The following MARCHF1 variants were observed in gnomAD, a reference collection of about 807,000 sequenced individuals.
MARCHF1 encodes the protein membrane associated ring-CH-type finger 1, also known as E3 ubiquitin-protein ligase MARCHF1.
Under a neutral mutation model 54.2 loss-of-function variants are expected in MARCHF1, and 40 were observed. The observed-to-expected ratio is 0.74, with a 90% CI of 0.57 to 0.96. The LOEUF is 0.96. Among genes scored for constraint, MARCHF1 ranks in the 40% least tolerant of loss-of-function variants. MARCHF1 has a pLI of 0.00. For synonymous variants in MARCHF1, 236 were observed against 236.3 expected (o/e 1.00, Z 0.01); for missense variants, 586 against 656.5 (o/e 0.89, Z 1.17).
intron 3 of MARCHF1, among the ~76,000 whole-genome samples, chr4:163,866,104 C>T (rs1467197819): frequency 1.3e-5 from 2 of 151,490 alleles, no homozygotes; most frequent in African/African-American, 4.8e-5. Flanking sequence ...CAATTAACAA[C>T]ATCATTTAAT....
chr4:163,924,296 G>C (rs1340602240), intron 3 of MARCHF1, among the ~76,000 whole-genome samples: 1 of 152,042 alleles, frequency 6.6e-6, no homozygotes. Flanking sequence ...TGTCAAGGCT[G>C]GCTGGACTTT....
intron 2 of MARCHF1, among the ~76,000 whole-genome samples, chr4:164,026,994 C>A (rs1348750781): frequency 1.3e-5 from 2 of 151,666 alleles, no homozygotes; most frequent in African/African-American, 2.4e-5. Flanking sequence ...ACAATAGCCA[C>A]AAAAAATGAA....
At chr4:164,229,804 C>T (rs1351023867) in intron 1 of MARCHF1, among the ~76,000 whole-genome samples, 2 of 152,062 alleles carry the variant, frequency 1.3e-5, no homozygotes, top group African/African-American at 4.8e-5. Context: ...GTGCTACACA[C>T]TTTCAAACAA....
intron 4 of MARCHF1, among the ~76,000 whole-genome samples, chr4:163,716,938 G>A (rs1013815312): frequency 6.6e-6 from 1 of 151,866 alleles, no homozygotes; most frequent in Non-Finnish European, 1.5e-5. Context: ...TTATTTTACT[G>A]TTTTATTATT....
chr4:163,810,442 G>T (rs1182112834), intron 4 of MARCHF1, among the ~76,000 whole-genome samples: 1 of 152,060 alleles, frequency 6.6e-6, no homozygotes, highest in Non-Finnish European at 1.5e-5. Context: ...AAAATAATCA[G>T]GTTCTACTGC....
chr4:163,575,119 G>A (rs1420272370), intron 8 of MARCHF1, among the ~76,000 whole-genome samples: 1 of 151,982 alleles, frequency 6.6e-6, no homozygotes, highest in Admixed American at 6.6e-5. Context: ...CAAGCAGACT[G>A]CATCCAGCTT....
intron 2 of MARCHF1, among the ~76,000 whole-genome samples, chr4:164,015,214 T>C (rs894309241): frequency 6.6e-6 from 1 of 152,100 alleles, no homozygotes; most frequent in African/African-American, 2.4e-5. Flanking sequence ...AAGCACAGTA[T>C]CTCCAATAAA....
At chr4:164,147,354 C>T (rs1490098044) in intron 1 of MARCHF1, among the ~76,000 whole-genome samples, 15 of 148,268 alleles carry the variant, frequency 1.0e-4, no homozygotes, top group Admixed American at 2.7e-4. Flanking sequence ...AATCATGCTG[C>T]TATAAAGACA....
chr4:164,136,467 C>A (rs1474930050), intron 1 of MARCHF1, among the ~76,000 whole-genome samples: 2 of 152,050 alleles, frequency 1.3e-5, no homozygotes, highest in Admixed American at 6.6e-5. Flanking sequence ...ATGTATAACA[C>A]TGCTCAAGAG....
intron 4 of MARCHF1, among the ~76,000 whole-genome samples, chr4:163,766,910 T>C (rs996516120): frequency 1.6e-4 from 24 of 152,142 alleles, no homozygotes; most frequent in African/African-American, 5.8e-4. Context: ...ATGTAAAAAA[T>C]AGTTTCCTCA....
chr4:164,185,671 C>CT (rs962279869), intron 1 of MARCHF1, among the ~76,000 whole-genome samples: 2 of 151,912 alleles, frequency 1.3e-5, no homozygotes, highest in Admixed American at 1.3e-4. Flanking sequence ...TGAAAGTAGA[C>CT]TTTTTTTCCC....
intron 7 of MARCHF1, among the ~76,000 whole-genome samples, chr4:163,603,827 C>T (rs1275481072): frequency 6.6e-6 from 1 of 152,062 alleles, no homozygotes; most frequent in Non-Finnish European, 1.5e-5. Flanking sequence ...CCTATACCTT[C>T]CTACCTTCTC....
chr4:163,725,791 G>C (rs74689181), intron 4 of MARCHF1, among the ~76,000 whole-genome samples: 2,062 of 152,154 alleles, frequency 0.014, 22 homozygotes, highest in Non-Finnish European at 0.02. Flanking sequence ...CCTGTTTATC[G>C]TTAGGTACCT....
intron 2 of MARCHF1, among the ~76,000 whole-genome samples, chr4:164,074,520 A>G (rs1221680052): frequency 6.6e-6 from 1 of 152,210 alleles, no homozygotes; most frequent in Non-Finnish European, 1.5e-5. Context: ...AAATTCATCT[A>G]AATACTTTTT....
At chr4:164,093,205 A>C (rs1755340319) in intron 2 of MARCHF1, among the ~76,000 whole-genome samples, 1 of 152,104 alleles carries the variant, frequency 6.6e-6, no homozygotes, top group Admixed American at 6.6e-5. Flanking sequence ...AGTATACCTT[A>C]AAGTGTGGTT....
intron 7 of MARCHF1, among the ~76,000 whole-genome samples, chr4:163,596,445 C>T (rs973952237): frequency 7.0e-6 from 1 of 142,058 alleles, no homozygotes; most frequent in Non-Finnish European, 1.5e-5. Context: ...GAAGCTGAGG[C>T]GGGAGAATCG....
intron 5 of MARCHF1, among the ~76,000 whole-genome samples, chr4:163,642,927 A>T (rs1274197307): frequency 6.6e-6 from 1 of 152,108 alleles, no homozygotes; most frequent in Non-Finnish European, 1.5e-5. Flanking sequence ...GCACTAACTG[A>T]AATATGGTAT....
chr4:164,115,232 G>A (rs1755916272), intron 1 of MARCHF1, among the ~76,000 whole-genome samples: 1 of 151,916 alleles, frequency 6.6e-6, no homozygotes. Context: ...TTAAGAATGA[G>A]CAATAATCAG....
intron 1 of MARCHF1, among the ~76,000 whole-genome samples, chr4:164,269,574 T>C (rs184696196): frequency 6.6e-6 from 1 of 152,328 alleles, no homozygotes; most frequent in Admixed American, 6.5e-5. Flanking sequence ...ATTTATTTCT[T>C]TGGAGATCCA....
Sources: allele counts gnomAD v4.1 joint callset (sites outside exome capture counted in the v4.1 genomes callset), GRCh38; gene constraint gnomAD v4.1.1; transcripts MANE v1.5; gene names NCBI Gene and HGNC (gene_info 2026-07-23, HGNC 2026-07-21).